Variants in WDR1 observed in about 807,000 individuals in gnomAD.
WDR1 encodes WD repeat domain 1.
Under a neutral mutation model 71.9 loss-of-function variants are expected in WDR1, and 21 were observed. The observed-to-expected ratio is 0.29, with a 90% confidence interval of 0.21 to 0.42. The LOEUF (loss-of-function observed/expected upper bound fraction) is 0.42. Ranked by LOEUF, WDR1 falls within the 10% of genes least tolerant of loss-of-function variation. WDR1 has a pLI of 1.00. For missense variants in WDR1, 696 were observed against 824.5 expected, an observed-to-expected ratio of 0.84 and a Z score of 1.91; for synonymous variants, 424 against 347.4, an observed-to-expected ratio of 1.22 and a Z score of -2.45.
intron 5 of WDR1, among the ~76,000 whole-genome samples, chr4:10,090,760 T>A (rs1052813795): frequency 2.6e-5 from 4 of 152,168 alleles, no homozygotes; most frequent in African/African-American, 9.7e-5. Flanking sequence ...GCCGGAGAAA[T>A]CACACATTCT....
chr4:10,087,833 GC>G lies in WDR1; in HGVS notation c.824del (p.Gly275AlafsTer52). 1 of 1,581,388 alleles carries G rather than the reference GC, an allele frequency of 6.3e-7. No individual in the cohort carries two copies. The highest frequency in any genetic ancestry group is 8.6e-7 in the Non-Finnish European group (1 of 1,162,976). On this transcript the variant is annotated frameshift_variant, in exon 8 of 15. Coordinates refer to ENST00000499869, the MANE Select transcript of WDR1 (RefSeq NM_017491.5). LOFTEE classifies it high-confidence loss of function. ...VNSVVSTFPMGSTVLDQQLGC... is the reference protein window; with the variant it reads ...VNSVVSTFPMXSTVLDQQLGC... ...CCAGCTGCTGGTCCAGAACCGTGGA[GC>G]CCATGGGAAATGTGCTGACCACGGA... is the stretch of plus-strand genomic sequence containing the variant.
intron 8 of WDR1, among the ~76,000 whole-genome samples, chr4:10,086,364 C>T (rs1711552282): frequency 6.6e-6 from 1 of 152,234 alleles, no homozygotes; most frequent in Admixed American, 6.5e-5. Context: ...ATGGTTCAGC[C>T]TTCCCCCTCT....
At position 10,077,412 on chromosome 4, in the gene WDR1, C is replaced by T. The variant is rs779743811; in HGVS notation, c.1606G>A (p.Val536Ile). Residue 536 changes from valine (V) to isoleucine (I), a missense_variant, in exon 14 of 15, where the codon GTC becomes ATC. Val to Ile is a conservative substitution (Grantham distance 29, BLOSUM62 3). Coordinates refer to ENST00000499869, the MANE Select transcript of WDR1 (RefSeq NM_017491.5). ...NVFYGHHAKI[V>I]CLAWSPDNEH... The stretch of plus-strand genomic sequence containing the variant: ...TTGTCTGGGGACCAGGCCAGGCAGA[C>T]GATTTTTGCATGGTGTCCATAAAAA... 3.7e-6 allele frequency: 6 copies of T among 1,613,970 alleles called. No individual in the cohort carries two copies. The highest frequency in any genetic ancestry group is 1.3e-5 in the African/African-American group (1 of 75,048).
At chr4:10,109,575 C>T (rs1335474561) in intron 2 of WDR1, among the ~76,000 whole-genome samples, 1 of 152,232 alleles carries the variant, frequency 6.6e-6, no homozygotes, top group Non-Finnish European at 1.5e-5. Flanking sequence ...ACTTTCCCCT[C>T]CTGCCTCCCA....
At chr4:10,109,751 G>C (rs1173479190) in intron 2 of WDR1, among the ~76,000 whole-genome samples, 1 of 152,132 alleles carries the variant, frequency 6.6e-6, no homozygotes, top group Admixed American at 6.5e-5. Context: ...TAACTGATGA[G>C]TTGCAAAGGT....
At chr4:10,096,938 G>C (rs1473352222) in intron 5 of WDR1, among the ~76,000 whole-genome samples, 2 of 152,238 alleles carry the variant, frequency 1.3e-5, no homozygotes, top group East Asian at 1.9e-4. Context: ...AGCCAGGGCA[G>C]AGCCGTGGGG....
At chr4:10,082,142 C>T (rs539253275) in intron 10 of WDR1, among the ~76,000 whole-genome samples, 1 of 152,182 alleles carries the variant, frequency 6.6e-6, no homozygotes, top group Non-Finnish European at 1.5e-5. Context: ...GACCAGGGCC[C>T]AGATGCCTGG....
chr4:10,080,168 C>T (rs1764957456), intron 11 of WDR1, among the ~76,000 whole-genome samples: 1 of 152,234 alleles, frequency 6.6e-6, no homozygotes, highest in Admixed American at 6.5e-5. Context: ...CAGCAGGCGC[C>T]AGCTGGGCCA....
intron 12 of WDR1, 82 bp downstream of exon 12, chr4:10,078,809 C>T: frequency 4.9e-6 from 6 of 1,232,362 alleles, no homozygotes; most frequent in Non-Finnish European, 5.7e-6. Flanking sequence ...TGAGACAGCC[C>T]CGGTACTCAC....
intron 5 of WDR1, chr4:10,092,644 T>G (rs1712070777): frequency 4.0e-6 from 1 of 250,600 alleles, no homozygotes; most frequent in African/African-American, 2.2e-5. Flanking sequence ...GGAGTCCAAA[T>G]GCAGACACTG....
Position 10,087,791 on chromosome 4 carries a change from C to A in WDR1, c.867G>T (p.Lys289Asn), listed in dbSNP as rs1251258014. 6.3e-7 allele frequency: 1 copy of A among 1,598,656 alleles called. No individual in the cohort carries two copies. The highest frequency in any genetic ancestry group is 1.7e-5 in the Admixed American group (1 of 57,750). Residue 289 changes from lysine (K) to asparagine (N), a missense_variant, in exon 8 of 15, where the codon AAG (lysine) becomes AAT (asparagine). By Grantham distance (94) the Lys-to-Asn change is moderately conservative. Transcript: ENST00000499869. ...LDQQLGCLWQ[K>N]DHLLSVSLSG... ...ACAGGGAGACACTGAGCAGGTGGTC[C>A]TTCTGCCATAGGCAGCCCAGCTGCT...
intron 2 of WDR1, among the ~76,000 whole-genome samples, chr4:10,113,849 G>A (rs574817142): frequency 2.4e-4 from 36 of 152,348 alleles, no homozygotes; most frequent in African/African-American, 7.5e-4. Flanking sequence ...CTGGAGGAAC[G>A]GTGTTCCCTT....
chr4:10,079,568 C>T (rs948011325), intron 11 of WDR1, among the ~76,000 whole-genome samples: 32 of 152,356 alleles, frequency 2.1e-4, no homozygotes, highest in African/African-American at 7.7e-4. Context: ...GCAGCAGAGG[C>T]TCTGCAGCGG....
intron 4 of WDR1, among the ~76,000 whole-genome samples, chr4:10,098,189 C>T (rs980016125): frequency 7.9e-5 from 12 of 152,194 alleles, no homozygotes; most frequent in South Asian, 6.2e-4. Context: ...ACAGCTTCAC[C>T]ATTCTCCTTA....
At chr4:10,092,763 G>T in intron 5 of WDR1, 1 of 286,850 alleles carries the variant, frequency 3.5e-6, no homozygotes, top group East Asian at 9.0e-5. Context: ...CCCGGCCAGT[G>T]AACAAAGAGG....
At chr4:10,104,095 A>C in intron 2 of WDR1, 109 bp from the exon 3 acceptor site, 1 of 1,183,162 alleles carries the variant, frequency 8.5e-7, no homozygotes, top group Middle Eastern at 1.9e-4. Context: ...GAAACACTGA[A>C]GCTAAAACCG....
intron 5 of WDR1, among the ~76,000 whole-genome samples, chr4:10,094,352 G>T (rs894015587): frequency 6.6e-6 from 1 of 152,220 alleles, no homozygotes; most frequent in Admixed American, 6.5e-5. Context: ...GGAGGAAGCG[G>T]ATGGCCAGAG....
At chr4:10,093,760 G>A (rs999333522) in intron 5 of WDR1, among the ~76,000 whole-genome samples, 8 of 152,138 alleles carry the variant, frequency 5.3e-5, no homozygotes, top group African/African-American at 1.7e-4. Context: ...GGGGTGGCGC[G>A]TGCTGAAGAC....
At position 10,110,451 on chromosome 4, in the gene WDR1, G is replaced by A. The variant is rs1003417115; in HGVS notation, c.138+5662C>T. ...TATCCCTCCCGTTACCTCCAACAGGGCAAGAAATGTACCAAAAGCAACACA... is the reference window on the plus strand; with the variant it reads ...TATCCCTCCCGTTACCTCCAACAGGACAAGAAATGTACCAAAAGCAACACA... On this transcript the variant is annotated intron_variant, in intron 2 of 14. Coordinates refer to ENST00000499869, the MANE Select transcript of WDR1 (RefSeq NM_017491.5). Among the ~76,000 whole-genome samples the A allele has an allele frequency of 9.9e-5, 15 of 152,280 alleles. No homozygotes were observed. In the East Asian group the frequency reaches 2.7e-3, roughly 27 times the overall value.
Sources: allele counts gnomAD v4.1 joint callset (sites outside exome capture counted in the v4.1 genomes callset), GRCh38; gene constraint gnomAD v4.1.1; transcripts MANE v1.5; gene names NCBI Gene and HGNC (gene_info 2026-07-23, HGNC 2026-07-21).